Variants in OPHN1 observed in about 807,000 individuals in gnomAD.
The protein encoded by OPHN1 is oligophrenin-1.
In OPHN1, 11 loss-of-function variants were observed where a neutral mutation model predicts 60.7. The ratio of observed to expected loss-of-function variants is 0.18; its 90% CI spans 0.11 to 0.30. OPHN1 has a LOEUF of 0.30. Ranked by LOEUF, OPHN1 falls within the 10% of genes least tolerant of loss-of-function variation. OPHN1 has a pLI of 1.00. For missense variants in OPHN1, 449 were observed against 611.0 expected (o/e 0.73, Z 2.80); for synonymous variants, 226 against 222.6 (o/e 1.02, Z -0.14).
chrX:68,199,254 C>T (rs1286516000), intron 11 of OPHN1, among the ~76,000 whole-genome samples: 1 of 111,255 alleles, frequency 9.0e-6, no homozygotes, highest in African/African-American at 3.3e-5. Context: ...GTAATATGAG[C>T]ACTTTGGGAG....
At chrX:68,280,429 G>A (rs1033285120) in intron 4 of OPHN1, among the ~76,000 whole-genome samples, 3 of 111,618 alleles carry the variant, frequency 2.7e-5, no homozygotes, top group Non-Finnish European at 5.6e-5. Context: ...TCCAGAATTA[G>A]AGCCTTAATT....
At chrX:68,167,642 C>A (rs2077365484) in intron 15 of OPHN1, among the ~76,000 whole-genome samples, 1 of 108,608 alleles carries the variant, frequency 9.2e-6, no homozygotes, top group Non-Finnish European at 1.9e-5. Context: ...CATATATATG[C>A]ATACATATAT....
chrX:68,433,678 G>A, upstream of OPHN1: 1 of 297,658 alleles, frequency 3.4e-6, no homozygotes, highest in East Asian at 4.8e-5. Flanking sequence ...ACTTCTTCCT[G>A]GTGCAAGGGA....
intron 3 of OPHN1, among the ~76,000 whole-genome samples, chrX:68,289,098 G>C (rs1050261041): frequency 9.0e-6 from 1 of 110,730 alleles, no homozygotes; most frequent in Non-Finnish European, 1.9e-5. Flanking sequence ...AAGAAAATTG[G>C]CTAAGAAATG....
intron 8 of OPHN1, 144 bp from the exon 9 acceptor site, chrX:68,210,426 G>T: frequency 3.4e-6 from 2 of 588,232 alleles, no homozygotes; most frequent in South Asian, 3.0e-5. Flanking sequence ...GAATGGCATA[G>T]TGAATGGAAA....
At chrX:68,112,040 AAC>A in intron 17 of OPHN1, 81 bp from the exon 18 acceptor site, 3 of 529,416 alleles carry the variant, frequency 5.7e-6, no homozygotes, top group Non-Finnish European at 3.3e-6. Flanking sequence ...TATATGCACA[AAC>A]ACACACACAT....
rs2094670807 is a variant in OPHN1, at chrX:68,066,698, C to CT, written c.1835-2522dup. 2.7e-5 allele frequency among the ~76,000 whole-genome samples: 3 copies of CT among 111,774 alleles called. No homozygotes were observed. The South Asian group carries it at 1.1e-3, about 42-fold the overall frequency. On this transcript the variant is annotated intron_variant, in intron 20 of 24. Transcript: ENST00000355520. ...ATCTCATGTAATCCTCAAAACAGCTCTATAAAGTAGTACATTGTTACTAGC... is the reference window on the plus strand; with the variant it reads ...ATCTCATGTAATCCTCAAAACAGCTCTTATAAAGTAGTACATTGTTACTAGC...
intron 2 of OPHN1, among the ~76,000 whole-genome samples, chrX:68,328,024 T>C (rs2078274643): frequency 1.0e-5 from 1 of 95,908 alleles, no homozygotes; most frequent in Non-Finnish European, 2.0e-5. Context: ...AGAGACGGGG[T>C]TTCACCTTGT....
chrX:68,082,535 G>A (rs1486199280), intron 19 of OPHN1, among the ~76,000 whole-genome samples: 1 of 112,526 alleles, frequency 8.9e-6, no homozygotes, highest in African/African-American at 3.2e-5. Context: ...GAGCTGCTGG[G>A]TGATTACTAC....
At chrX:68,180,002 G>A (rs2077429847) in intron 15 of OPHN1, among the ~76,000 whole-genome samples, 1 of 111,142 alleles carries the variant, frequency 9.0e-6, no homozygotes, top group Non-Finnish European at 1.9e-5. Flanking sequence ...CATTATAGTG[G>A]CAGATACGCT....
intron 8 of OPHN1, among the ~76,000 whole-genome samples, chrX:68,210,524 GC>G (rs2077580193): frequency 9.0e-6 from 1 of 111,591 alleles, no homozygotes; most frequent in African/African-American, 3.3e-5. Context: ...CAACTGGGAG[GC>G]TTTTTACTAA....
intron 2 of OPHN1, among the ~76,000 whole-genome samples, chrX:68,412,261 C>T (rs1007249234): frequency 8.9e-6 from 1 of 112,040 alleles, no homozygotes; most frequent in Admixed American, 9.6e-5. Context: ...TTTACTGGTG[C>T]TCTGAACAGT....
At chrX:68,408,029 T>C (rs2078752092) in intron 2 of OPHN1, among the ~76,000 whole-genome samples, 1 of 112,135 alleles carries the variant, frequency 8.9e-6, no homozygotes, top group Admixed American at 9.5e-5. Context: ...GGACTCGAAC[T>C]CCTGGACGTA....
intron 5 of OPHN1, among the ~76,000 whole-genome samples, chrX:68,263,379 G>GC: frequency 9.0e-6 from 1 of 111,351 alleles, no homozygotes; most frequent in Non-Finnish European, 1.9e-5. Flanking sequence ...CTCTGTTCCT[G>GC]CCTCATTCAT....
At chrX:68,141,904 T>TAAAGAAAGAAAG (rs199937682) in intron 15 of OPHN1, among the ~76,000 whole-genome samples, 1 of 90,214 alleles carries the variant, frequency 1.1e-5, no homozygotes, top group African/African-American at 4.2e-5. Context: ...TGATGTTAAT[T>TAAAGAAAGAAAG]AAAGAAAGAA....
intron 2 of OPHN1, among the ~76,000 whole-genome samples, chrX:68,385,885 T>C (rs772579891): frequency 1.8e-5 from 2 of 112,350 alleles, no homozygotes; most frequent in East Asian, 2.8e-4. Context: ...AAAGTGTGCA[T>C]AGAGCAGCAA....
At chrX:68,284,760 G>C (rs941471745) in intron 3 of OPHN1, among the ~76,000 whole-genome samples, 3 of 111,328 alleles carry the variant, frequency 2.7e-5, no homozygotes, top group African/African-American at 9.8e-5. Flanking sequence ...CCATGAACTT[G>C]CCTACTCTAG....
Position 68,194,476 on chromosome X carries a change from T to C in OPHN1, c.1127A>G (p.Lys376Arg), listed in dbSNP as rs756441985. The stretch of plus-strand genomic sequence containing the variant: ...CTTAAGTGACTCACTTTCTTGCTGT[T>C]TTGTTATAGGGCTGTGGTAGATCTA... Reference protein sequence around the residue: ...KEPIYHSPITKQQEMELNEVG... With the variant: ...KEPIYHSPITRQQEMELNEVG... Residue 376 changes from lysine (K) to arginine (R), a missense_variant, in exon 13 of 25, where the codon AAA becomes AGA. Transcript: ENST00000355520. The C allele has an allele frequency of 5.8e-6, 7 of 1,208,065 alleles. No individual in the cohort carries two copies. The highest frequency in any genetic ancestry group is 7.8e-6 in the Non-Finnish European group (7 of 892,381).
chrX:68,252,417 T>C (rs1250623962), intron 5 of OPHN1, among the ~76,000 whole-genome samples: 1 of 112,034 alleles, frequency 8.9e-6, no homozygotes, highest in East Asian at 2.8e-4. Flanking sequence ...TAAATCGCCA[T>C]ACATATCATC....
Sources: gnomAD v4.1 joint callset for allele counts (sites outside exome capture counted in the v4.1 genomes callset) on GRCh38, gnomAD v4.1.1 for gene constraint, MANE v1.5 for transcripts, NCBI Gene and HGNC (gene_info 2026-07-23, HGNC 2026-07-21) for gene names.